Variants in TATDN1 observed in about 807,000 individuals in gnomAD.
TATDN1 encodes TatD DNase domain containing 1, also known as deoxyribonuclease TATDN1.
Under a neutral mutation model 46.4 loss-of-function variants are expected in TATDN1, and 40 were observed. That is an observed-to-expected ratio of 0.86 (90% CI 0.67 to 1.12). The LOEUF is 1.12. TATDN1 is among the 50% of genes most tolerant of loss of function. The probability of loss-of-function intolerance (pLI) is 0.00; values close to 1 mark genes in which losing one functional copy is unlikely to be tolerated. For missense variants in TATDN1, 326 were observed against 348.4 expected (o/e 0.94, Z 0.51); for synonymous variants, 95 against 105.6 (o/e 0.90, Z 0.62).
intron 2 of TATDN1, 151 bp downstream of exon 2, chr8:124,522,786 C>T: frequency 1.4e-6 from 1 of 701,478 alleles, no homozygotes; most frequent in Non-Finnish European, 2.5e-6. Context: ...AACTCCTGAG[C>T]TCAGGCAATC....
At chr8:124,510,790 C>G (rs1161989834) in intron 6 of TATDN1, among the ~76,000 whole-genome samples, 2 of 152,050 alleles carry the variant, frequency 1.3e-5, no homozygotes, top group Non-Finnish European at 2.9e-5. Flanking sequence ...CACCACTGCA[C>G]TCCAGCTTGG....
At chr8:124,516,764 T>C (rs1413144625) in intron 4 of TATDN1, among the ~76,000 whole-genome samples, 2 of 152,068 alleles carry the variant, frequency 1.3e-5, no homozygotes, top group African/African-American at 4.8e-5. Context: ...CGATTTAAAG[T>C]GGTGGAAAGG....
chr8:124,498,039 C>T (rs931450293), intron 9 of TATDN1, among the ~76,000 whole-genome samples: 1 of 152,126 alleles, frequency 6.6e-6, no homozygotes, highest in African/African-American at 2.4e-5. Context: ...TGTAACATCT[C>T]AAATCCCACT....
intron 9 of TATDN1, chr8:124,503,822 C>T (rs767524703): frequency 5.1e-6 from 5 of 989,676 alleles, no homozygotes; most frequent in Non-Finnish European, 5.6e-6. Flanking sequence ...GGTTCTCATA[C>T]TTGGAGAAAC....
intron 4 of TATDN1, among the ~76,000 whole-genome samples, chr8:124,516,316 T>G (rs1356428471): frequency 6.6e-6 from 1 of 152,068 alleles, no homozygotes; most frequent in Non-Finnish European, 1.5e-5. Flanking sequence ...TTTTTTTTTT[T>G]TTTTGAGACA....
chr8:124,538,699 T>TG (rs1309813959), intron 1 of TATDN1, among the ~76,000 whole-genome samples: 3 of 152,100 alleles, frequency 2.0e-5, no homozygotes, highest in Non-Finnish European at 4.4e-5. Context: ...GAGGTGCACG[T>TG]GGGATGAATG....
At chr8:124,498,968 TTTA>T (rs1817718303) in intron 9 of TATDN1, among the ~76,000 whole-genome samples, 2 of 150,920 alleles carry the variant, frequency 1.3e-5, no homozygotes, top group African/African-American at 2.4e-5. Context: ...TTTTTTTTTT[TTTA>T]ATTTAAGAGA....
rs1425900694 is a variant in TATDN1, at chr8:124,530,710, C to T, written c.23-7708G>A. On this transcript the variant is annotated intron_variant, in intron 1 of 11. Coordinates refer to ENST00000276692, the MANE Select transcript of TATDN1 (RefSeq NM_032026.4). ...GATAAAGACAAGAAGAGGAAGCACA[C>T]AGGTAGCTAAACATCGAAGTTATCT... Among the ~76,000 whole-genome samples, 4 of 152,278 alleles carry T rather than the reference C, an allele frequency of 2.6e-5. No individual in the cohort carries two copies. The East Asian group carries it at 5.8e-4, about 22-fold the overall frequency.
intron 2 of TATDN1, among the ~76,000 whole-genome samples, chr8:124,522,507 C>T (rs150829364): frequency 0.072 from 10,979 of 151,884 alleles, 627 homozygotes; most frequent in South Asian, 0.29. Flanking sequence ...ACTTCCACCT[C>T]CTGGGTTCAA....
chr8:124,537,419 G>A (rs951540813), intron 1 of TATDN1, among the ~76,000 whole-genome samples: 2 of 152,190 alleles, frequency 1.3e-5, no homozygotes, highest in Non-Finnish European at 2.9e-5. Context: ...AGTGTTTATA[G>A]AGCAGCCCAG....
intron 1 of TATDN1, among the ~76,000 whole-genome samples, chr8:124,535,539 CA>C (rs1295296477): frequency 1.3e-5 from 2 of 152,146 alleles, no homozygotes; most frequent in African/African-American, 4.8e-5. Context: ...TTAAGATGAA[CA>C]TTTCCTGAAA....
At chr8:124,495,604 C>T (rs1406059407) in intron 9 of TATDN1, 62 bp from the exon 10 acceptor site, 47 of 1,299,812 alleles carry the variant, frequency 3.6e-5, no homozygotes, top group Non-Finnish European at 6.4e-6. Flanking sequence ...TTTTTCGTAT[C>T]ACAACTTGTC....
intron 1 of TATDN1, among the ~76,000 whole-genome samples, chr8:124,525,097 A>G (rs185166352): frequency 1.3e-5 from 2 of 152,256 alleles, no homozygotes; most frequent in African/African-American, 4.8e-5. Flanking sequence ...AGTGGTAATC[A>G]CAGCTGACCA....
intron 9 of TATDN1, among the ~76,000 whole-genome samples, chr8:124,500,631 C>A (rs530020062): frequency 6.6e-6 from 1 of 150,390 alleles, no homozygotes; most frequent in Non-Finnish European, 1.5e-5. Flanking sequence ...CCCAGGAGGT[C>A]GGGGCTACAG....
Position 124,531,038 on chromosome 8 carries a change from G to A in TATDN1, c.22+7987C>T, listed in dbSNP as rs575075817. On this transcript the variant is annotated intron_variant, in intron 1 of 11. Coordinates refer to ENST00000276692, the MANE Select transcript of TATDN1 (RefSeq NM_032026.4). ...ATAGCACCCATCCAGTAGGCTGGAT[G>A]AAGTATTTTAACTGATGTCTCTTCC... 1.7e-3 allele frequency among the ~76,000 whole-genome samples: 261 copies of A among 152,246 alleles called. 1 individual carries two copies. The highest frequency in any genetic ancestry group is 6.8e-3 in the Middle Eastern group (2 of 294).
intron 3 of TATDN1, 64 bp downstream of exon 3, chr8:124,522,087 T>A (rs1309203107): frequency 8.3e-7 from 1 of 1,208,264 alleles, no homozygotes; most frequent in African/African-American, 1.5e-5. Flanking sequence ...TCTGCAAAAT[T>A]TTAACTAAAA....
intron 1 of TATDN1, among the ~76,000 whole-genome samples, chr8:124,530,022 C>A (rs1026377069): frequency 6.6e-6 from 1 of 151,820 alleles, no homozygotes; most frequent in South Asian, 2.1e-4. Flanking sequence ...ACCCGGGAGG[C>A]GGAGGTTATA....
chr8:124,506,024 G>T (rs1024263888), intron 8 of TATDN1, among the ~76,000 whole-genome samples: 1 of 151,868 alleles, frequency 6.6e-6, no homozygotes, highest in Non-Finnish European at 1.5e-5. Flanking sequence ...ACTATTAATA[G>T]AACCCAAGTA....
In TATDN1 at chr8:124,532,927, A is replaced by G. The variant is rs1241394282; in HGVS notation, c.22+6098T>C. On this transcript the variant is annotated intron_variant, in intron 1 of 11. Coordinates refer to ENST00000276692, the MANE Select transcript of TATDN1 (RefSeq NM_032026.4). Reference sequence around the variant, plus strand: ...TGAGAGAAAAGTGTCTGTAAAGACAACACAGTCTTTGGGTGCGTTAATCTC... The same window carrying G: ...TGAGAGAAAAGTGTCTGTAAAGACAGCACAGTCTTTGGGTGCGTTAATCTC... Among the ~76,000 whole-genome samples the G allele has an allele frequency of 2.6e-5, 4 of 152,196 alleles. No individual in the cohort carries two copies. The East Asian group carries it at 7.7e-4, about 29-fold the overall frequency.
Sources: allele counts gnomAD v4.1 joint callset (sites outside exome capture counted in the v4.1 genomes callset), GRCh38; gene constraint gnomAD v4.1.1; transcripts MANE v1.5; gene names NCBI Gene and HGNC (gene_info 2026-07-23, HGNC 2026-07-21).